Variants in AVIL observed in about 807,000 individuals in gnomAD.
AVIL encodes advillin.
Under a neutral mutation model 109.9 loss-of-function variants are expected in AVIL, and 78 were observed. The observed-to-expected ratio is 0.71, with a 90% CI of 0.59 to 0.86. The LOEUF (loss-of-function observed/expected upper bound fraction) is 0.86. Ranked by LOEUF, AVIL falls within the 40% of genes least tolerant of loss-of-function variation. AVIL has a pLI of 0.00. For synonymous variants in AVIL, 367 were observed against 379.1 expected (o/e 0.97, Z 0.37); for missense variants, 892 against 1,016.5 (o/e 0.88, Z 1.67).
chr12:57,806,565 G>C, intron 13 of AVIL, 26 bp from the exon 14 acceptor site: 1 of 1,612,298 alleles, frequency 6.2e-7, no homozygotes, highest in Non-Finnish European at 8.5e-7. Context: ...GCAGAGTCCA[G>C]ATCTAAGGAG....
intron 16 of AVIL, chr12:57,802,620 A>G (rs1955873227): frequency 1.4e-6 from 1 of 701,824 alleles, no homozygotes; most frequent in Non-Finnish European, 2.6e-6. Flanking sequence ...CTTGCAGAAC[A>G]CCTCCTCTTG....
Position 57,806,495 on chromosome 12 carries a change from T to A in AVIL, c.1536A>T (p.Val512=). The A allele has an allele frequency of 6.2e-7, 1 of 1,614,192 alleles. No individual in the cohort carries two copies. The highest frequency in any genetic ancestry group is 1.1e-5 in the South Asian group (1 of 91,090). The change falls in exon 14 of 20, where the codon GTA becomes GTT. Residue 512 remains valine, a synonymous_variant. Coordinates refer to ENST00000549994, the MANE Select transcript of AVIL (RefSeq NM_006576.4). ...RKGNAEPDPP[V]RLFQIHGNDK... Reference sequence around the variant, plus strand: ...CATTTCCATGAATTTGGAAGAGTCTTACTGGAGGGTCAGGCTCGGCATTTC... The same window carrying A: ...CATTTCCATGAATTTGGAAGAGTCTAACTGGAGGGTCAGGCTCGGCATTTC...
At chr12:57,815,783 C>T (rs1414127750) in intron 2 of AVIL, 192 bp downstream of exon 2, 4 of 1,470,136 alleles carry the variant, frequency 2.7e-6, no homozygotes, top group Admixed American at 2.3e-5. Flanking sequence ...AACATTTCCT[C>T]CACCTGCCAA....
At chr12:57,801,618 T>C (rs1410991239) in intron 17 of AVIL, among the ~76,000 whole-genome samples, 1 of 152,140 alleles carries the variant, frequency 6.6e-6, no homozygotes, top group Non-Finnish European at 1.5e-5. Context: ...TGCATGCCTA[T>C]AATCCCAGCT....
chr12:57,814,111 C>A, intron 3 of AVIL, 41 bp downstream of exon 3: 1 of 1,604,464 alleles, frequency 6.2e-7, no homozygotes, highest in South Asian at 1.1e-5. Context: ...AGAACTGGCC[C>A]CAGGGGAGAG....
intron 1 of AVIL, among the ~76,000 whole-genome samples, chr12:57,816,700 C>CTTTTTTT (rs11349032): frequency 5.3e-5 from 5 of 93,486 alleles, no homozygotes; most frequent in South Asian, 4.5e-4. Context: ...GGCTTTTGTC[C>CTTTTTTT]TTTTTTTTTT....
At chr12:57,807,870 G>A (rs768225891) in intron 11 of AVIL, 143 bp from the exon 12 acceptor site, 1 of 1,189,244 alleles carries the variant, frequency 8.4e-7, no homozygotes, top group Non-Finnish European at 1.2e-6. Context: ...CCAGTGCTGA[G>A]GACTCATCAC....
intron 2 of AVIL, chr12:57,814,680 G>C (rs553462608): frequency 1.8e-4 from 29 of 164,026 alleles, no homozygotes; most frequent in Admixed American, 3.5e-4. Context: ...GTGGGGCCGT[G>C]GGAGGTGGAG....
chr12:57,814,352 T>G (rs1409877929), intron 2 of AVIL, 126 bp from the exon 3 acceptor site: 9 of 943,188 alleles, frequency 9.5e-6, no homozygotes, highest in African/African-American at 3.3e-5. Flanking sequence ...CTCAATGACC[T>G]TACAGGATGT....
chr12:57,808,806 C>T (rs1955993759), intron 9 of AVIL: 1 of 461,776 alleles, frequency 2.2e-6, no homozygotes, highest in Non-Finnish European at 3.9e-6. Context: ...ATGCTGTGTT[C>T]TTTCAGTACT....
At chr12:57,811,592 C>T (rs1023863884) in intron 4 of AVIL, among the ~76,000 whole-genome samples, 1 of 152,198 alleles carries the variant, frequency 6.6e-6, no homozygotes, top group Admixed American at 6.5e-5. Flanking sequence ...GCACTCAGCC[C>T]AGCCCAGCCT....
Position 57,808,174 on chromosome 12 carries a change from A to T in AVIL, c.1194+20T>A. The T allele has an allele frequency of 6.2e-7, 1 of 1,612,008 alleles. No individual in the cohort carries two copies. Among genetic ancestry groups the T allele is most frequent in the South Asian group, 1.1e-5 (1 of 91,030 alleles). The stretch of plus-strand genomic sequence containing the variant: ...GAAGGCCAGTGCTGTCTGCCCTGAC[A>T]TTTGAATCATTGGGCTTACCTCAAC... On this transcript the variant is annotated intron_variant, in intron 11 of 19. Coordinates refer to ENST00000549994, the MANE Select transcript of AVIL (RefSeq NM_006576.4).
chr12:57,814,162 A>G lies in AVIL; in HGVS notation c.131T>C (p.Val44Ala), dbSNP rs753786374. The change falls in exon 3 of 20, where the codon GTC becomes GCC. Residue 44 changes from valine to alanine, a missense_variant. Val to Ala is a moderately conservative substitution (Grantham distance 64). Transcript: ENST00000549994. ...HGNFYEGDCY[V>A]ILSTRRVASL... ...GAGGAGGGTGCTCACCGAGAGGATG[A>G]CGTAGCAGTCCCCCTCATAGAAGTT... 8 of 1,613,072 alleles carry G rather than the reference A, an allele frequency of 5.0e-6. No individual in the cohort carries two copies. The highest frequency in any genetic ancestry group is 3.3e-5 in the South Asian group (3 of 90,856).
chr12:57,811,267 G>A lies in AVIL; in HGVS notation c.339-140C>T, dbSNP rs563271183. On this transcript the variant is annotated intron_variant, in intron 4 of 19. Coordinates refer to ENST00000549994, the MANE Select transcript of AVIL (RefSeq NM_006576.4). ...GTAAATACAGATGGTGGCAGCTGCT[G>A]CCCCACAAGTAGACTGGGTGAGTGA... is the stretch of plus-strand genomic sequence containing the variant. 433 of 756,654 alleles carry A rather than the reference G, an allele frequency of 5.7e-4. 1 individual carries two copies. Among genetic ancestry groups the A allele is most frequent in the Non-Finnish European group, 1.3e-4 (59 of 464,942 alleles). 46.9% of individuals were successfully genotyped at this position (756,654 alleles called of 1,614,324 possible).
intron 17 of AVIL, among the ~76,000 whole-genome samples, chr12:57,801,790 GTTGA>G (rs1955854006): frequency 1.3e-5 from 2 of 152,070 alleles, no homozygotes; most frequent in Admixed American, 6.6e-5. Flanking sequence ...CTGGCTTTCT[GTTGA>G]TTAACTGTGA....
intron 14 of AVIL, chr12:57,805,957 C>T (rs1283591925): frequency 5.6e-6 from 1 of 177,302 alleles, no homozygotes; most frequent in Non-Finnish European, 1.2e-5. Context: ...CTGCCTCAGC[C>T]TCCTGAGTAG....
intron 14 of AVIL, chr12:57,806,070 C>CAG (rs2140447587): frequency 3.5e-6 from 1 of 288,116 alleles, no homozygotes; most frequent in South Asian, 3.5e-5. Context: ...CTCCTGACCT[C>CAG]GTGATTTGCC....
chr12:57,803,321 C>G lies in AVIL; in HGVS notation c.1888G>C (p.Val630Leu). 6.2e-7 allele frequency: 1 copy of G among 1,614,146 alleles called. No individual in the cohort carries two copies. Among genetic ancestry groups the G allele is most frequent in the Non-Finnish European group, 8.5e-7 (1 of 1,180,036 alleles). The change falls in exon 16 of 20, where the codon GTC becomes CTC. Residue 630 changes from valine (V) to leucine (L), a missense_variant. Physicochemically the swap from Val to Leu is conservative, Grantham distance 32 (BLOSUM62 1). Coordinates refer to ENST00000549994, the MANE Select transcript of AVIL (RefSeq NM_006576.4). ...TGGGTGAAGTCTGTGATCTCAGTGA[C>G]AACGAATTGGCCGGTCTTATTGGAA... ...ECSNKTGQFV[V>L]TEITDFTQDD...
chr12:57,803,238 G>A lies in AVIL; in HGVS notation c.1962+9C>T. The A allele has an allele frequency of 6.2e-7, 1 of 1,613,948 alleles. No homozygotes were observed. Among genetic ancestry groups the A allele is most frequent in the Non-Finnish European group, 8.5e-7 (1 of 1,179,930 alleles). On this transcript the variant is annotated intron_variant, in intron 16 of 19. Transcript: ENST00000549994. ...TTCTCATGTTCTGACTTCTGCAGCT[G>A]TGTCTTACCTGGTCCCAGGTATCTA...
Sources: gnomAD v4.1 joint callset for allele counts (sites outside exome capture counted in the v4.1 genomes callset) on GRCh38, gnomAD v4.1.1 for gene constraint, MANE v1.5 for transcripts, NCBI Gene and HGNC (gene_info 2026-07-23, HGNC 2026-07-21) for gene names.